The following C6orf89 variants were observed in gnomAD, a reference collection of about 807,000 sequenced individuals.
C6orf89 encodes the protein bombesin receptor-activated protein C6orf89.
In C6orf89, 29 loss-of-function variants were observed where a neutral mutation model predicts 40.7. That is an observed-to-expected ratio of 0.71 (90% CI 0.53 to 0.97). The LOEUF is 0.97. Among genes scored for constraint, C6orf89 ranks in the 50% least tolerant of loss-of-function variants. C6orf89 has a pLI of 0.00. For missense variants in C6orf89, 392 were observed against 429.1 expected (o/e 0.91, Z 0.76); for synonymous variants, 165 against 152.2 (o/e 1.08, Z -0.62).
intron 1 of C6orf89, among the ~76,000 whole-genome samples, chr6:36,874,521 A>T (rs1774594750): frequency 6.6e-6 from 1 of 152,246 alleles, no homozygotes; most frequent in African/African-American, 2.4e-5. Flanking sequence ...CTGAGACCTC[A>T]GCACAAGACC....
In C6orf89 at chr6:36,923,736, G is replaced by A; in HGVS notation, c.*295G>A. 2.6e-6 allele frequency: 1 copy of A among 390,932 alleles called. No individual in the cohort carries two copies. Among genetic ancestry groups the A allele is most frequent in the Non-Finnish European group, 4.9e-6 (1 of 203,806 alleles). The allele number at this position is 390,932 out of a possible 1,614,324, so 24.2% of individuals were successfully genotyped here. A position where few individuals can be genotyped will look rare whatever the true frequency, so the allele number is the denominator to read the frequency against. On this transcript the variant is annotated 3_prime_UTR_variant, in exon 9 of 9. Coordinates refer to ENST00000480824, the MANE Select transcript of C6orf89 (RefSeq NM_001286635.2). ...CTTTGGACACTATGACCTTGATGCT[G>A]CCCTTCAGGCAGGAAACAGGGCTGG...
chr6:36,923,052 C>T (rs1209439141), intron 8 of C6orf89, among the ~76,000 whole-genome samples: 1 of 152,124 alleles, frequency 6.6e-6, no homozygotes, highest in Admixed American at 6.5e-5. Context: ...GTCTTTAAGC[C>T]AGGTGTAGTG....
chr6:36,906,125 C>T (rs1375334711), intron 4 of C6orf89, among the ~76,000 whole-genome samples: 1 of 152,200 alleles, frequency 6.6e-6, no homozygotes, highest in Non-Finnish European at 1.5e-5. Flanking sequence ...CTCGATGCAT[C>T]CCGTAACCTT....
chr6:36,913,321 C>A (rs533807475), intron 4 of C6orf89, among the ~76,000 whole-genome samples: 3 of 152,232 alleles, frequency 2.0e-5, no homozygotes, highest in South Asian at 2.1e-4. Context: ...GGCGGCCCCA[C>A]CCCCTCCTGA....
chr6:36,916,006 A>G lies in C6orf89; in HGVS notation c.696-439A>G, dbSNP rs554441998. Among the ~76,000 whole-genome samples, 4 of 152,324 alleles carry G rather than the reference A, an allele frequency of 2.6e-5. No individual in the cohort carries two copies. In the South Asian group the frequency reaches 6.2e-4, roughly 24 times the overall value. On this transcript the variant is annotated intron_variant, in intron 6 of 8. Coordinates refer to ENST00000480824, the MANE Select transcript of C6orf89 (RefSeq NM_001286635.2). ...TAAATGTGCTGTTTGTTTGCGTGCT[A>G]GAGTGCCCAGTTGAACAAGCTGAGC...
At chr6:36,894,656 C>A in intron 2 of C6orf89, 53 bp downstream of exon 2, 1 of 651,902 alleles carries the variant, frequency 1.5e-6, no homozygotes, top group Non-Finnish European at 1.9e-6. Flanking sequence ...GGGTTCACAT[C>A]CTGGCAAGTT....
chr6:36,875,060 A>G, intron 1 of C6orf89: 2 of 416,850 alleles, frequency 4.8e-6, no homozygotes, highest in South Asian at 6.1e-5. Context: ...TCGTTTAGGC[A>G]TGGAAGGCGG....
At chr6:36,909,948 C>A (rs1233732341) in intron 4 of C6orf89, among the ~76,000 whole-genome samples, 3 of 152,074 alleles carry the variant, frequency 2.0e-5, no homozygotes. Flanking sequence ...ATACTCATTT[C>A]TCAGTCCTCA....
intron 8 of C6orf89, among the ~76,000 whole-genome samples, chr6:36,922,051 T>G (rs1331674735): frequency 6.6e-6 from 1 of 152,082 alleles, no homozygotes; most frequent in Admixed American, 6.5e-5. Context: ...TTAAAAATTT[T>G]TAAAGCCATG....
chr6:36,887,337 A>G (rs559994267), intron 1 of C6orf89, among the ~76,000 whole-genome samples: 4 of 152,378 alleles, frequency 2.6e-5, no homozygotes, highest in African/African-American at 9.6e-5. Context: ...TGATAATTTT[A>G]GGTCCTTTCT....
chr6:36,874,908 G>T, intron 1 of C6orf89: 2 of 960,456 alleles, frequency 2.1e-6, no homozygotes, highest in South Asian at 1.5e-5. Flanking sequence ...AGACAAGGAA[G>T]AGGACGGTCC....
intron 1 of C6orf89, among the ~76,000 whole-genome samples, chr6:36,877,340 GTTTT>G (rs764214029): frequency 2.0e-5 from 3 of 150,396 alleles, no homozygotes; most frequent in Admixed American, 6.6e-5. Flanking sequence ...GCAATTTTTT[GTTTT>G]TTTTTGAGAC....
At chr6:36,876,396 G>A (rs868409288) in intron 1 of C6orf89, among the ~76,000 whole-genome samples, 2 of 152,152 alleles carry the variant, frequency 1.3e-5, no homozygotes, top group Non-Finnish European at 2.9e-5. Context: ...AACTAAATAC[G>A]TAGCTGTAGG....
At chr6:36,886,075 A>G in intron 1 of C6orf89, 47 bp downstream of exon 1, 1 of 1,089,610 alleles carries the variant, frequency 9.2e-7, no homozygotes, top group East Asian at 3.8e-5. Flanking sequence ...CCGCCCTGTG[A>G]CAGCCTCGCC....
chr6:36,923,997 G>T lies in C6orf89; in HGVS notation c.*556G>T, dbSNP rs1394181891. ...TCAGATAACTTTGAATTGCATTCAA[G>T]AAGTACACTTCTTTCCCATTGTCCG... On this transcript the variant is annotated 3_prime_UTR_variant, in exon 9 of 9. Transcript: ENST00000480824. 1 of 187,468 alleles carries T rather than the reference G, an allele frequency of 5.3e-6. No homozygotes were observed. The highest frequency in any genetic ancestry group is 1.1e-5 in the Non-Finnish European group (1 of 88,014). 11.6% of individuals were successfully genotyped at this position (187,468 alleles called of 1,614,324 possible). A position where few individuals can be genotyped will look rare whatever the true frequency, so the allele number is the denominator to read the frequency against.
rs544925683 is a variant in C6orf89, at chr6:36,928,453, C to G, written c.*5012C>G. The G allele has an allele frequency of 2.9e-3, 446 of 153,164 alleles. 1 individual carries two copies. Among genetic ancestry groups the G allele is most frequent in the Non-Finnish European group, 5.5e-3 (378 of 68,578 alleles). 9.5% of individuals were successfully genotyped at this position (153,164 alleles called of 1,614,324 possible). A position where few individuals can be genotyped will look rare whatever the true frequency, so the allele number is the denominator to read the frequency against. On this transcript the variant is annotated 3_prime_UTR_variant, in exon 9 of 9. Transcript: ENST00000480824. ...CATCCCATTCTTCACACTGCAACCC[C>G]CCAGCACTGTGGACCCTTCCAGGGA...
chr6:36,898,100 A>G (rs1761509694), intron 2 of C6orf89, among the ~76,000 whole-genome samples: 1 of 150,858 alleles, frequency 6.6e-6, no homozygotes, highest in African/African-American at 2.4e-5. Flanking sequence ...TTATTTCTCT[A>G]GAGATGGGAT....
At chr6:36,910,747 G>T (rs1762098264) in intron 4 of C6orf89, among the ~76,000 whole-genome samples, 1 of 151,186 alleles carries the variant, frequency 6.6e-6, no homozygotes, top group African/African-American at 2.4e-5. Context: ...AAAAAGGCTG[G>T]TCTCAAACTC....
chr6:36,885,807 C>G (rs945208087), upstream of C6orf89: 1 of 395,842 alleles, frequency 2.5e-6, no homozygotes, highest in African/African-American at 2.1e-5. Context: ...CCTACACTCT[C>G]CAGATATCGC....
Sources: allele counts gnomAD v4.1 joint callset (sites outside exome capture counted in the v4.1 genomes callset), GRCh38; gene constraint gnomAD v4.1.1; transcripts MANE v1.5; gene names NCBI Gene and HGNC (gene_info 2026-07-23, HGNC 2026-07-21).